MAF: variants seen among roughly 807,000 people sequenced by gnomAD.
MAF encodes transcription factor Maf.
MAF carries 10 observed loss-of-function variants against 22.0 expected under a neutral mutation model. The ratio of observed to expected loss-of-function variants is 0.45; its 90% CI spans 0.28 to 0.77. The LOEUF is 0.77. Among genes scored for constraint, MAF ranks in the 30% least tolerant of loss-of-function variants. The pLI, the probability that MAF is intolerant of heterozygous loss-of-function variation, is 0.12. For synonymous variants in MAF, 337 were observed against 255.8 expected, an observed-to-expected ratio of 1.32 and a Z score of -3.03; for missense variants, 544 against 548.4, an observed-to-expected ratio of 0.99 and a Z score of 0.08.
the MAF span, among the ~76,000 whole-genome samples, chr16:79,237,757 C>CA: frequency 9.2e-5 from 14 of 152,130 alleles, no homozygotes; most frequent in Admixed American, 7.9e-4. Flanking sequence ...TGCTTACTGT[C>CA]ATTTCTGCCC....
the MAF span, among the ~76,000 whole-genome samples, chr16:79,390,754 A>G: frequency 6.6e-6 from 1 of 152,196 alleles, no homozygotes; most frequent in Non-Finnish European, 1.5e-5. Flanking sequence ...ATATGGGTAG[A>G]GAAATTAATT....
chr16:79,438,674 G>A, the MAF span, among the ~76,000 whole-genome samples: 4 of 152,162 alleles, frequency 2.6e-5, no homozygotes, highest in Non-Finnish European at 4.4e-5. Context: ...AGCCAGCGAG[G>A]TCGTGCAGAG....
chr16:79,598,649 G>T (rs546626540), intron 1 of MAF, 136 bp downstream of exon 1: 27 of 1,531,936 alleles, frequency 1.8e-5, no homozygotes. Flanking sequence ...AGGGGGCCAA[G>T]GGGGCCAAAC....
At chr16:79,260,982 G>A in the MAF span, among the ~76,000 whole-genome samples, 1 of 152,134 alleles carries the variant, frequency 6.6e-6, no homozygotes, top group African/African-American at 2.4e-5. Context: ...GTAGGTCAGG[G>A]TACAGGAGAG....
At chr16:79,345,060 G>C in the MAF span, among the ~76,000 whole-genome samples, 1 of 152,178 alleles carries the variant, frequency 6.6e-6, no homozygotes, top group African/African-American at 2.4e-5. Flanking sequence ...GAATATTTCA[G>C]TTTAATGAAA....
chr16:79,393,152 T>G, the MAF span, among the ~76,000 whole-genome samples: 2 of 152,220 alleles, frequency 1.3e-5, no homozygotes, highest in African/African-American at 4.8e-5. Context: ...TTCCTTTACA[T>G]TATTTTGATT....
the MAF span, among the ~76,000 whole-genome samples, chr16:79,526,570 G>C: frequency 6.6e-6 from 1 of 152,174 alleles, no homozygotes; most frequent in African/African-American, 2.4e-5. Flanking sequence ...TCTAGCACCT[G>C]GTTTTAACTA....
At chr16:79,332,603 A>G in the MAF span, among the ~76,000 whole-genome samples, 1 of 152,222 alleles carries the variant, frequency 6.6e-6, no homozygotes. Context: ...CTGACTCACA[A>G]TAATAATTAT....
chr16:79,566,388 G>A, the MAF span, among the ~76,000 whole-genome samples: 3 of 152,214 alleles, frequency 2.0e-5, no homozygotes. Flanking sequence ...AGGGAGTGGG[G>A]ACTGTACTGC....
the MAF span, among the ~76,000 whole-genome samples, chr16:79,577,321 G>T: frequency 6.6e-6 from 1 of 152,256 alleles, no homozygotes; most frequent in Admixed American, 6.5e-5. Flanking sequence ...TGAAAAACGG[G>T]CTGCTTAACT....
the MAF span, among the ~76,000 whole-genome samples, chr16:79,415,258 G>A: frequency 6.9e-6 from 1 of 145,016 alleles, no homozygotes. Flanking sequence ...AGAGACAGAA[G>A]GAAAGAACAA....
chr16:79,461,292 G>C, the MAF span, among the ~76,000 whole-genome samples: 1 of 151,992 alleles, frequency 6.6e-6, no homozygotes, highest in Non-Finnish European at 1.5e-5. Context: ...AATTTCAGTG[G>C]GTTAACACAA....
At chr16:79,240,475 C>A in the MAF span, among the ~76,000 whole-genome samples, 2 of 102,776 alleles carry the variant, frequency 1.9e-5, no homozygotes, top group East Asian at 6.8e-4. Context: ...CATTTGCCAA[C>A]AAGCATCTCT....
the MAF span, among the ~76,000 whole-genome samples, chr16:79,448,309 G>A: frequency 2.6e-5 from 4 of 151,620 alleles, no homozygotes; most frequent in African/African-American, 7.3e-5. Flanking sequence ...AGCAGCCATC[G>A]GAATAGAGGC....
At chr16:79,482,640 T>C in the MAF span, among the ~76,000 whole-genome samples, 22 of 152,056 alleles carry the variant, frequency 1.4e-4, no homozygotes, top group African/African-American at 5.3e-4. Flanking sequence ...CATGCAGCAG[T>C]GAAGCACGGA....
chr16:79,208,629 AAATTTTTTT>A, the MAF span, among the ~76,000 whole-genome samples: 1 of 85,058 alleles, frequency 1.2e-5, no homozygotes, highest in South Asian at 2.8e-4. Flanking sequence ...AGTGCTCTTT[AAATTTTTTT>A]TTTAATCAGT....
chr16:79,326,679 G>A, the MAF span, among the ~76,000 whole-genome samples: 2 of 152,194 alleles, frequency 1.3e-5, no homozygotes, highest in African/African-American at 4.8e-5. Flanking sequence ...GTTCCAGCAG[G>A]AAAGCAGCCA....
the MAF span, among the ~76,000 whole-genome samples, chr16:79,550,689 A>AT: frequency 6.6e-6 from 1 of 152,120 alleles, no homozygotes; most frequent in Non-Finnish European, 1.5e-5. Flanking sequence ...ACCGCCTGTT[A>AT]TTGCTGGGTA....
the MAF span, among the ~76,000 whole-genome samples, chr16:79,541,457 A>G: frequency 6.6e-6 from 1 of 151,914 alleles, no homozygotes; most frequent in Non-Finnish European, 1.5e-5. Context: ...GCACAGTAGT[A>G]CCTGCTTCCC....
Sources: allele counts gnomAD v4.1 joint callset (sites outside exome capture counted in the v4.1 genomes callset), GRCh38; gene constraint gnomAD v4.1.1; transcripts MANE v1.5; gene names NCBI Gene and HGNC (gene_info 2026-07-23, HGNC 2026-07-21).